Variants in ASIC2 observed in about 807,000 individuals in gnomAD.
ASIC2 encodes the protein acid sensing ion channel subunit 2.
Under a neutral mutation model 57.3 loss-of-function variants are expected in ASIC2, and 25 were observed. That is an observed-to-expected ratio of 0.44 (90% confidence interval 0.32 to 0.61). The LOEUF (loss-of-function observed/expected upper bound fraction) is 0.61, where lower values mean the gene tolerates loss of function less well. Ranked by LOEUF, ASIC2 falls within the 20% of genes least tolerant of loss-of-function variation. The pLI, the probability that ASIC2 is intolerant of heterozygous loss-of-function variation, is 0.06. For missense variants in ASIC2, 641 were observed against 738.1 expected (o/e 0.87, Z 1.52); for synonymous variants, 319 against 307.5 (o/e 1.04, Z -0.39).
At chr17:33,181,026 C>T (rs142623994) in intron 1 of ASIC2, among the ~76,000 whole-genome samples, 1,682 of 152,232 alleles carry the variant, frequency 0.011, 21 homozygotes, top group African/African-American at 0.026. Flanking sequence ...AAAATAAAAA[C>T]CTCTTTGTTG....
chr17:34,105,100 A>G (rs923616825), intron 1 of ASIC2, among the ~76,000 whole-genome samples: 1 of 152,060 alleles, frequency 6.6e-6, no homozygotes, highest in Non-Finnish European at 1.5e-5. Flanking sequence ...TTTTGATTTA[A>G]AAATTCAATT....
At chr17:33,268,231 T>C (rs1909546693) in intron 1 of ASIC2, among the ~76,000 whole-genome samples, 2 of 152,180 alleles carry the variant, frequency 1.3e-5, no homozygotes, top group African/African-American at 4.8e-5. Flanking sequence ...CTTTCCAATA[T>C]AATCCCTTTT....
chr17:33,736,872 T>C (rs533727459), intron 1 of ASIC2, among the ~76,000 whole-genome samples: 1 of 152,254 alleles, frequency 6.6e-6, no homozygotes, highest in Non-Finnish European at 1.5e-5. Context: ...AAGACATATA[T>C]CATGGGCATG....
At chr17:33,144,047 T>A (rs1904439006) in intron 1 of ASIC2, among the ~76,000 whole-genome samples, 2 of 151,960 alleles carry the variant, frequency 1.3e-5, no homozygotes, top group Non-Finnish European at 2.9e-5. Context: ...CCCTGGGCAA[T>A]AGTCATATTA....
intron 1 of ASIC2, among the ~76,000 whole-genome samples, chr17:34,110,505 G>A (rs12940960): frequency 0.049 from 7,537 of 152,280 alleles, 588 homozygotes; most frequent in African/African-American, 0.16. Flanking sequence ...AGCAGCAGGC[G>A]GGACAAAGCC....
intron 1 of ASIC2, among the ~76,000 whole-genome samples, chr17:33,228,242 A>G (rs1469678486): frequency 6.6e-6 from 1 of 152,224 alleles, no homozygotes. Context: ...CTCTGGAACT[A>G]GACAGTGGTG....
intron 1 of ASIC2, among the ~76,000 whole-genome samples, chr17:33,260,565 G>A (rs1248611721): frequency 3.9e-5 from 6 of 152,316 alleles, no homozygotes; most frequent in East Asian, 3.9e-4. Flanking sequence ...CCAGGGGGGC[G>A]GGGAATACGA....
At chr17:33,844,301 C>A (rs1913520553) in intron 1 of ASIC2, among the ~76,000 whole-genome samples, 2 of 152,146 alleles carry the variant, frequency 1.3e-5, no homozygotes, top group Admixed American at 1.3e-4. Context: ...GGCATTTGTA[C>A]TTAAATGTTA....
intron 1 of ASIC2, among the ~76,000 whole-genome samples, chr17:34,020,541 G>A (rs1420881760): frequency 6.6e-6 from 1 of 152,184 alleles, no homozygotes; most frequent in African/African-American, 2.4e-5. Flanking sequence ...GACCTGTCGA[G>A]CAGAAGAAGT....
intron 1 of ASIC2, among the ~76,000 whole-genome samples, chr17:33,785,633 C>T (rs1275844943): frequency 1.3e-5 from 2 of 152,188 alleles, no homozygotes; most frequent in Non-Finnish European, 2.9e-5. Flanking sequence ...TTTTGTGAAT[C>T]ACAGATGTGG....
intron 1 of ASIC2, among the ~76,000 whole-genome samples, chr17:33,416,643 G>A (rs1910852136): frequency 6.6e-6 from 1 of 152,220 alleles, no homozygotes; most frequent in African/African-American, 2.4e-5. Context: ...TGGGAAGATG[G>A]CAATGGCTTT....
At chr17:34,099,118 G>GAATTA (rs1910663879) in intron 1 of ASIC2, among the ~76,000 whole-genome samples, 3 of 26,490 alleles carry the variant, frequency 1.1e-4, no homozygotes, top group African/African-American at 3.9e-4. Flanking sequence ...GAGAGAGAGA[G>GAATTA]AGAGAGAGAG....
chr17:33,415,054 C>A (rs868821622), intron 1 of ASIC2, among the ~76,000 whole-genome samples: 7 of 152,226 alleles, frequency 4.6e-5, no homozygotes, highest in Non-Finnish European at 1.0e-4. Flanking sequence ...GGCAGTCATA[C>A]CACCCTGTGG....
At chr17:33,695,414 G>A (rs1302910855) in intron 1 of ASIC2, among the ~76,000 whole-genome samples, 1 of 152,012 alleles carries the variant, frequency 6.6e-6, no homozygotes, top group Admixed American at 6.5e-5. Context: ...TTATTATAGG[G>A]CTTTCTGTAG....
At chr17:33,828,872 A>C (rs1913023139) in intron 1 of ASIC2, among the ~76,000 whole-genome samples, 1 of 152,218 alleles carries the variant, frequency 6.6e-6, no homozygotes, top group Admixed American at 6.5e-5. Flanking sequence ...TTGGCTGCTA[A>C]AAGAAAGGAA....
intron 1 of ASIC2, among the ~76,000 whole-genome samples, chr17:33,469,460 C>A (rs1267738354): frequency 6.6e-6 from 1 of 152,332 alleles, no homozygotes; most frequent in East Asian, 1.9e-4. Context: ...TAGGCCCACC[C>A]TCTAGCTTCC....
intron 1 of ASIC2, among the ~76,000 whole-genome samples, chr17:33,787,948 C>A (rs1418825805): frequency 6.6e-6 from 1 of 152,064 alleles, no homozygotes; most frequent in Non-Finnish European, 1.5e-5. Context: ...AACTCCAAAC[C>A]ATAAAAACCC....
Position 33,874,198 on chromosome 17 carries a change from G to T in ASIC2, c.555+281780C>A, listed in dbSNP as rs147100096. 4.8e-3 allele frequency among the ~76,000 whole-genome samples: 736 copies of T among 152,210 alleles called. 3 individuals carry two copies. Among genetic ancestry groups the T allele is most frequent in the African/African-American group, 0.017 (705 of 41,542 alleles). On this transcript the variant is annotated intron_variant, in intron 1 of 9. Transcript: ENST00000359872. ...TGTTGCCTCTGTCACAGCTGGCTGGGCCCCCTTGGCTCCAAGAACTCCTTA... is the reference window on the plus strand; with the variant it reads ...TGTTGCCTCTGTCACAGCTGGCTGGTCCCCCTTGGCTCCAAGAACTCCTTA...
chr17:33,974,440 T>C (rs996853628), intron 1 of ASIC2, among the ~76,000 whole-genome samples: 7 of 152,184 alleles, frequency 4.6e-5, no homozygotes, highest in African/African-American at 1.7e-4. Flanking sequence ...CCCTGGATTT[T>C]TCCTTGGGCA....
Sources: allele counts gnomAD v4.1 joint callset (sites outside exome capture counted in the v4.1 genomes callset), GRCh38; gene constraint gnomAD v4.1.1; transcripts MANE v1.5; gene names NCBI Gene and HGNC (gene_info 2026-07-23, HGNC 2026-07-21).